The following RORA variants were observed in gnomAD, a reference collection of about 807,000 sequenced individuals.
The protein encoded by RORA is RAR related orphan receptor A, also known as nuclear receptor ROR-alpha.
Under a neutral mutation model 69.5 loss-of-function variants are expected in RORA, and 7 were observed. The observed-to-expected ratio is 0.10, with a 90% confidence interval of 0.06 to 0.19. The LOEUF (loss-of-function observed/expected upper bound fraction) is 0.19, where lower values mean the gene tolerates loss of function less well. RORA is among the 10% of genes least tolerant of loss of function. The probability of loss-of-function intolerance (pLI) is 1.00; values close to 1 mark genes in which losing one functional copy is unlikely to be tolerated. For synonymous variants in RORA, 261 were observed against 240.8 expected (o/e 1.08, Z -0.78); for missense variants, 457 against 663.0 (o/e 0.69, Z 3.41).
chr15:60,873,522 G>A (rs1164932323), intron 1 of RORA, among the ~76,000 whole-genome samples: 3 of 151,940 alleles, frequency 2.0e-5, no homozygotes, highest in South Asian at 2.1e-4. Context: ...CACACAGTTC[G>A]GTATTATTAA....
rs181464868 is a variant in RORA, at chr15:61,188,413, T to C, written c.166+40640A>G. On this transcript the variant is annotated intron_variant, in intron 1 of 10. Coordinates refer to ENST00000335670, the MANE Select transcript of RORA (RefSeq NM_134261.3). The stretch of plus-strand genomic sequence containing the variant: ...CCAACGGGGCCTAGTTTGCTGACCC[T>C]TATTCTGGGGCAGCAGTGCCCAATC... 3.3e-5 allele frequency among the ~76,000 whole-genome samples: 5 copies of C among 152,252 alleles called. No homozygotes were observed. The East Asian group carries it at 9.7e-4, about 29-fold the overall frequency.
intron 1 of RORA, among the ~76,000 whole-genome samples, chr15:61,033,893 C>A (rs1239277068): frequency 3.8e-5 from 2 of 52,030 alleles, no homozygotes; most frequent in Non-Finnish European, 8.3e-5. Flanking sequence ...CATAGTGAGA[C>A]CATGTCTCAA....
chr15:61,118,280 C>T (rs749416597), intron 1 of RORA, among the ~76,000 whole-genome samples: 3 of 152,150 alleles, frequency 2.0e-5, no homozygotes, highest in African/African-American at 4.8e-5. Context: ...CCCTGTCTCT[C>T]GGCTTGACAG....
chr15:61,117,177 A>AC (rs2079058053), intron 1 of RORA, among the ~76,000 whole-genome samples: 1 of 101,422 alleles, frequency 9.9e-6, no homozygotes, highest in Admixed American at 9.8e-5. Context: ...GTTAAAAGTT[A>AC]CTTTTTTTTT....
chr15:60,525,321 G>T (rs750669580), intron 3 of RORA, among the ~76,000 whole-genome samples: 1 of 152,172 alleles, frequency 6.6e-6, no homozygotes, highest in Non-Finnish European at 1.5e-5. Flanking sequence ...TGCACTGTGG[G>T]TGTGGCTGGG....
At chr15:60,734,776 C>A (rs117995524) in intron 1 of RORA, among the ~76,000 whole-genome samples, 1 of 152,186 alleles carries the variant, frequency 6.6e-6, no homozygotes, top group South Asian at 2.1e-4. Flanking sequence ...GTAAATGTAA[C>A]GGCAATCATG....
Position 61,073,479 on chromosome 15 carries a change from G to A in RORA, c.166+155574C>T, listed in dbSNP as rs782903. 3.3e-5 allele frequency among the ~76,000 whole-genome samples: 5 copies of A among 151,946 alleles called. No homozygotes were observed. In the East Asian group the frequency reaches 7.7e-4, roughly 24 times the overall value. Reference sequence around the variant, plus strand: ...AGCCCTGTCATCGGGGTTCAAATTCGCAAATGGCATGAACTGCCTAGCAAT... The same window carrying A: ...AGCCCTGTCATCGGGGTTCAAATTCACAAATGGCATGAACTGCCTAGCAAT... On this transcript the variant is annotated intron_variant, in intron 1 of 10. Transcript: ENST00000335670.
chr15:60,812,536 GA>G (rs2072758833), intron 1 of RORA, among the ~76,000 whole-genome samples: 1 of 152,124 alleles, frequency 6.6e-6, no homozygotes, highest in Admixed American at 6.6e-5. Context: ...AATAAATAAA[GA>G]AGAGTGAATG....
intron 1 of RORA, among the ~76,000 whole-genome samples, chr15:61,186,998 T>C (rs565122755): frequency 1.3e-5 from 2 of 152,360 alleles, no homozygotes; most frequent in South Asian, 4.1e-4. Context: ...GCACACGGAC[T>C]ACTTATCTGC....
intron 2 of RORA, among the ~76,000 whole-genome samples, chr15:60,616,564 G>A (rs900691007): frequency 1.3e-5 from 2 of 152,216 alleles, no homozygotes; most frequent in African/African-American, 2.4e-5. Flanking sequence ...GCAGAGGGGT[G>A]TTTGGGGGAA....
intron 1 of RORA, among the ~76,000 whole-genome samples, chr15:60,797,083 T>C (rs919147640): frequency 5.4e-5 from 8 of 148,566 alleles, no homozygotes; most frequent in African/African-American, 2.0e-4. Flanking sequence ...ATTATTATTA[T>C]TATTATTTCT....
intron 2 of RORA, among the ~76,000 whole-genome samples, chr15:60,667,425 C>T (rs957699135): frequency 2.0e-5 from 3 of 152,072 alleles, no homozygotes; most frequent in African/African-American, 4.8e-5. Flanking sequence ...TTTCTGACAG[C>T]GAGCCTCCCT....
At chr15:60,960,379 G>A (rs904121485) in intron 1 of RORA, among the ~76,000 whole-genome samples, 2 of 152,160 alleles carry the variant, frequency 1.3e-5, no homozygotes, top group African/African-American at 2.4e-5. Flanking sequence ...CAAAGGTGGG[G>A]GACTCTCTTA....
At chr15:60,881,382 C>T (rs1387785010) in intron 1 of RORA, among the ~76,000 whole-genome samples, 1 of 152,226 alleles carries the variant, frequency 6.6e-6, no homozygotes, top group Non-Finnish European at 1.5e-5. Flanking sequence ...TGCTGGCCCA[C>T]CATTTCTCCC....
At chr15:60,510,495 A>G (rs2065659742) in intron 5 of RORA, 1 of 152,236 alleles carries the variant, frequency 6.6e-6, no homozygotes, top group Admixed American at 6.5e-5. Flanking sequence ...TATGAATTAC[A>G]TCAATTTTGT....
chr15:60,526,770 C>A (rs1306663302), intron 3 of RORA, among the ~76,000 whole-genome samples: 2 of 152,128 alleles, frequency 1.3e-5, no homozygotes, highest in East Asian at 3.9e-4. Context: ...AGAATTAGTT[C>A]ACGACTAGCA....
At chr15:61,111,014 G>A (rs544807111) in intron 1 of RORA, among the ~76,000 whole-genome samples, 146 of 152,264 alleles carry the variant, frequency 9.6e-4, no homozygotes, top group African/African-American at 3.3e-3. Flanking sequence ...AATGTTCCTG[G>A]CCTGAATGAC....
At chr15:60,929,076 G>A (rs1892297971) in intron 1 of RORA, among the ~76,000 whole-genome samples, 1 of 152,092 alleles carries the variant, frequency 6.6e-6, no homozygotes. Context: ...TCCATTGGAG[G>A]AGCATTGTAT....
chr15:60,741,024 C>G (rs2071568881), intron 1 of RORA, among the ~76,000 whole-genome samples: 1 of 152,242 alleles, frequency 6.6e-6, no homozygotes. Flanking sequence ...AGGCATTCTT[C>G]TTGGGCAGTG....
Sources: allele counts gnomAD v4.1 joint callset (sites outside exome capture counted in the v4.1 genomes callset), GRCh38; gene constraint gnomAD v4.1.1; transcripts MANE v1.5; gene names NCBI Gene and HGNC (gene_info 2026-07-23, HGNC 2026-07-21).